The following ENTPD1 variants were observed in gnomAD, a reference collection of about 807,000 sequenced individuals.
ENTPD1 encodes ectonucleoside triphosphate diphosphohydrolase 1, also known as ATP diphosphohydrolase.
In ENTPD1, 33 loss-of-function variants were observed where a neutral mutation model predicts 57.0. The ratio of observed to expected loss-of-function variants is 0.58; its 90% CI spans 0.44 to 0.77. ENTPD1 has a LOEUF of 0.77. ENTPD1 is among the 30% of genes least tolerant of loss of function. The pLI is 0.00. For synonymous variants in ENTPD1, 202 were observed against 218.8 expected, an observed-to-expected ratio of 0.92 and a Z score of 0.68; for missense variants, 501 against 603.4, an observed-to-expected ratio of 0.83 and a Z score of 1.78.
intron 1 of ENTPD1, among the ~76,000 whole-genome samples, chr10:95,773,573 G>A (rs1264290296): frequency 6.6e-6 from 1 of 152,124 alleles, no homozygotes; most frequent in Admixed American, 6.6e-5. Flanking sequence ...AGGATTTTCA[G>A]AATGGTCAAT....
intron 1 of ENTPD1, among the ~76,000 whole-genome samples, chr10:95,729,859 G>C (rs1589650896): frequency 6.6e-6 from 1 of 152,140 alleles, no homozygotes; most frequent in East Asian, 1.9e-4. Context: ...CAATAACAGC[G>C]AGATAGCCTT....
chr10:95,798,235 A>AT (rs1179591809), intron 1 of ENTPD1, among the ~76,000 whole-genome samples: 7 of 152,172 alleles, frequency 4.6e-5, no homozygotes, highest in African/African-American at 1.7e-4. Flanking sequence ...TGTTGGTGAT[A>AT]TTTGTGTGAA....
intron 1 of ENTPD1, among the ~76,000 whole-genome samples, chr10:95,786,361 A>G (rs1183182413): frequency 1.3e-5 from 2 of 152,172 alleles, no homozygotes; most frequent in East Asian, 3.8e-4. Flanking sequence ...TGGAGGATGG[A>G]GGGTACTTTG....
At chr10:95,843,250 C>T (rs1298026278) in intron 4 of ENTPD1, 1 of 152,184 alleles carries the variant, frequency 6.6e-6, no homozygotes, top group Non-Finnish European at 1.5e-5. Context: ...CAACAGTGAA[C>T]AGGACAAAGT....
At chr10:95,730,726 G>T (rs2097988274) in intron 1 of ENTPD1, among the ~76,000 whole-genome samples, 1 of 152,134 alleles carries the variant, frequency 6.6e-6, no homozygotes, top group African/African-American at 2.4e-5. Context: ...CTTCCTAATT[G>T]AAAAACACAA....
intron 1 of ENTPD1, among the ~76,000 whole-genome samples, chr10:95,799,730 T>C (rs1201712048): frequency 2.6e-5 from 4 of 152,232 alleles, no homozygotes; most frequent in African/African-American, 9.6e-5. Context: ...TCCAAAATGG[T>C]TAAACTAATT....
chr10:95,702,632 C>A, the ENTPD1 span, among the ~76,000 whole-genome samples: 1 of 152,088 alleles, frequency 6.6e-6, no homozygotes, highest in East Asian at 1.9e-4. Flanking sequence ...TGTTATCAAT[C>A]TGTAGATTCC....
upstream of ENTPD1, among the ~76,000 whole-genome samples, chr10:95,708,613 T>G (rs973099868): frequency 7.9e-5 from 12 of 152,230 alleles, no homozygotes; most frequent in Non-Finnish European, 1.8e-4. Context: ...TGTCTATCAG[T>G]AGCAGAGTGG....
At position 95,766,586 on chromosome 10, in the gene ENTPD1, T is replaced by C. The variant is rs546127517; in HGVS notation, c.16+10331T>C. Among the ~76,000 whole-genome samples the C allele has an allele frequency of 3.3e-5, 5 of 152,332 alleles. No homozygotes were observed. In the East Asian group the frequency reaches 9.6e-4, roughly 29 times the overall value. On this transcript the variant is annotated intron_variant, in intron 1 of 9. Transcript: ENST00000371205. ...TATTTTGATAAAATATTGAAATAACTCTTTTTATCTACTTTTTTAGTCCTA... is the reference window on the plus strand; with the variant it reads ...TATTTTGATAAAATATTGAAATAACCCTTTTTATCTACTTTTTTAGTCCTA...
chr10:95,785,235 T>A (rs150915010), intron 1 of ENTPD1: 21 of 152,318 alleles, frequency 1.4e-4, no homozygotes, highest in African/African-American at 5.1e-4. Flanking sequence ...CCAGGCCAAC[T>A]CTATTGATCT....
At chr10:95,700,222 T>G in the ENTPD1 span, among the ~76,000 whole-genome samples, 1 of 152,212 alleles carries the variant, frequency 6.6e-6, no homozygotes, top group South Asian at 2.1e-4. Flanking sequence ...CTATTAACTT[T>G]TTTGTTTAAA....
At chr10:95,822,839 T>G (rs1473487137) in intron 1 of ENTPD1, among the ~76,000 whole-genome samples, 1 of 152,232 alleles carries the variant, frequency 6.6e-6, no homozygotes, top group Non-Finnish European at 1.5e-5. Flanking sequence ...TTCTTAATAC[T>G]TTTTAACATC....
chr10:95,867,371 C>A lies in ENTPD1; in HGVS notation c.*988C>A. 3 of 985,432 alleles carry A rather than the reference C, an allele frequency of 3.0e-6. No individual in the cohort carries two copies. The highest frequency in any genetic ancestry group is 2.4e-6 in the Non-Finnish European group (2 of 829,938). 61.0% of individuals were successfully genotyped at this position (985,432 alleles called of 1,614,324 possible). A position where few individuals can be genotyped will look rare whatever the true frequency, so the allele number is the denominator to read the frequency against. On this transcript the variant is annotated 3_prime_UTR_variant, in exon 10 of 10. Coordinates refer to ENST00000371205, the MANE Select transcript of ENTPD1 (RefSeq NM_001776.6). ...ATACATTGTCTAGAGACAAGACTATCCTGGGTAGGCAGAAACCATAGATCT... is the reference window on the plus strand; with the variant it reads ...ATACATTGTCTAGAGACAAGACTATACTGGGTAGGCAGAAACCATAGATCT...
chr10:95,860,610 C>T, intron 8 of ENTPD1, 28 bp downstream of exon 8: 1 of 1,578,290 alleles, frequency 6.3e-7, no homozygotes, highest in Non-Finnish European at 8.7e-7. Flanking sequence ...GCAGCTCTAA[C>T]AGCATGAGTG....
Position 95,871,762 on chromosome 10 carries a change from A to G in ENTPD1, c.*5379A>G. 1.0e-6 allele frequency: 1 copy of G among 985,422 alleles called. No homozygotes were observed. Among genetic ancestry groups the G allele is most frequent in the South Asian group, 4.7e-5 (1 of 21,286 alleles). The allele number at this position is 985,422 out of a possible 1,614,324, so 61.0% of individuals were successfully genotyped here. A position where few individuals can be genotyped will look rare whatever the true frequency, so the allele number is the denominator to read the frequency against. ...ATCACCCTCATCAGCACTAGAGTTG[A>G]CTTGTTTTTATAACCCCTTTGCATG... On this transcript the variant is annotated 3_prime_UTR_variant, in exon 10 of 10. Coordinates refer to ENST00000371205, the MANE Select transcript of ENTPD1 (RefSeq NM_001776.6).
chr10:95,719,161 G>A (rs1381224861), intron 1 of ENTPD1, among the ~76,000 whole-genome samples: 7 of 152,192 alleles, frequency 4.6e-5, no homozygotes, highest in Admixed American at 3.9e-4. Context: ...CCAACCTTTT[G>A]CCACTACATC....
intron 7 of ENTPD1, among the ~76,000 whole-genome samples, chr10:95,851,129 C>T (rs2098444209): frequency 6.6e-6 from 1 of 151,940 alleles, no homozygotes; most frequent in South Asian, 2.1e-4. Flanking sequence ...TCACATTGTG[C>T]TGTTTATATA....
chr10:95,750,840 T>A (rs928305130), upstream of ENTPD1, among the ~76,000 whole-genome samples: 3 of 152,128 alleles, frequency 2.0e-5, no homozygotes, highest in Non-Finnish European at 4.4e-5. Flanking sequence ...CTGGCCAATA[T>A]GGTGAAACCC....
At chr10:95,792,972 T>G (rs2098211566) in intron 1 of ENTPD1, among the ~76,000 whole-genome samples, 6 of 152,186 alleles carry the variant, frequency 3.9e-5, no homozygotes, top group Admixed American at 3.9e-4. Context: ...GTCCAGCATC[T>G]TGCCAGGGTG....
Sources: allele counts gnomAD v4.1 joint callset (sites outside exome capture counted in the v4.1 genomes callset), GRCh38; gene constraint gnomAD v4.1.1; transcripts MANE v1.5; gene names NCBI Gene and HGNC (gene_info 2026-07-23, HGNC 2026-07-21).